The following MYO5B variants were observed in gnomAD, a reference collection of about 807,000 sequenced individuals.
The protein encoded by MYO5B is myosin VB, also known as unconventional myosin-Vb.
A neutral mutation model predicts 229.3 loss-of-function variants in MYO5B; 143 were observed. That is an observed-to-expected ratio of 0.62 (90% CI 0.54 to 0.72). The LOEUF (loss-of-function observed/expected upper bound fraction) is 0.72. Ranked by LOEUF, MYO5B falls within the 30% of genes least tolerant of loss-of-function variation. The pLI is 0.00. For missense variants in MYO5B, 2,321 were observed against 2,331.0 expected, an observed-to-expected ratio of 1.00 and a Z score of 0.09; for synonymous variants, 918 against 885.2, an observed-to-expected ratio of 1.04 and a Z score of -0.66.
At chr18:50,192,931 T>C (rs935577138) in intron 1 of MYO5B, among the ~76,000 whole-genome samples, 1 of 152,190 alleles carries the variant, frequency 6.6e-6, no homozygotes, top group Non-Finnish European at 1.5e-5. Flanking sequence ...CCCCACAAAC[T>C]TTCCCCCTCA....
intron 26 of MYO5B, among the ~76,000 whole-genome samples, chr18:49,874,246 T>G (rs925114544): frequency 3.9e-5 from 6 of 152,254 alleles, no homozygotes; most frequent in African/African-American, 1.4e-4. Flanking sequence ...GATACCCTTT[T>G]TTATTTGGTA....
chr18:50,160,349 C>T (rs951169093), intron 1 of MYO5B, among the ~76,000 whole-genome samples: 24 of 152,164 alleles, frequency 1.6e-4, no homozygotes, highest in African/African-American at 5.8e-4. Flanking sequence ...TTGAAAGGAG[C>T]CTTACAGATG....
At chr18:49,841,657 A>C (rs527823701) in intron 34 of MYO5B, among the ~76,000 whole-genome samples, 1 of 152,284 alleles carries the variant, frequency 6.6e-6, no homozygotes, top group Admixed American at 6.5e-5. Context: ...GGGATGGTGC[A>C]CAGAACCCCC....
chr18:50,182,166 C>T lies in MYO5B; in HGVS notation c.27+12601G>A, dbSNP rs534389034. Among the ~76,000 whole-genome samples, 3 of 152,288 alleles carry T rather than the reference C, an allele frequency of 2.0e-5. No homozygotes were observed. The South Asian group carries it at 6.2e-4, about 32-fold the overall frequency. The stretch of plus-strand genomic sequence containing the variant: ...GATGAATACGAAAGATGGTCTGAAC[C>T]TTCAGGCAAAAACTATGAGTACTGT... On this transcript the variant is annotated intron_variant, in intron 1 of 39. Transcript: ENST00000285039.
chr18:49,899,984 G>C (rs540792041), intron 21 of MYO5B, among the ~76,000 whole-genome samples: 1 of 152,064 alleles, frequency 6.6e-6, no homozygotes, highest in Non-Finnish European at 1.5e-5. Context: ...CAAGCACGTG[G>C]ATTGTAAAAT....
intron 14 of MYO5B, among the ~76,000 whole-genome samples, chr18:49,952,939 C>T (rs944794280): frequency 1.4e-4 from 21 of 151,924 alleles, no homozygotes; most frequent in African/African-American, 3.6e-4. Context: ...CTGCGCTCAC[C>T]GTCCTCTCTT....
chr18:50,137,173 A>G lies in MYO5B; in HGVS notation c.27+57594T>C, dbSNP rs192624497. On this transcript the variant is annotated intron_variant, in intron 1 of 39. Transcript: ENST00000285039. ...ACGAGGGCAGTTTATTTCACATACA[A>G]TCAAAAGGCTCTGCAGACCTGCATA... 1.1e-3 allele frequency among the ~76,000 whole-genome samples: 163 copies of G among 152,338 alleles called. 1 individual carries two copies. The highest frequency in any genetic ancestry group is 3.8e-3 in the African/African-American group (157 of 41,560).
Position 50,040,282 on chromosome 18 carries a change from G to A in MYO5B, c.171C>T (p.Asn57=), listed in dbSNP as rs375237075. The change falls in exon 3 of 40, where the codon AAC becomes AAT. Residue 57 remains asparagine, a synonymous_variant. Coordinates refer to ENST00000285039, the MANE Select transcript of MYO5B (RefSeq NM_001080467.3). ...CTGGATTCCGTAAGAAGGGCAGCTG[G>A]TTGCGTTGTACATCAATTGGGTATT... ...ILEYPIDVQR[N]QLPFLRNPDI... 2.5e-6 allele frequency: 4 copies of A among 1,613,948 alleles called. No homozygotes were observed. The African/African-American group carries it at 5.3e-5, about 22-fold the overall frequency.
intron 7 of MYO5B, among the ~76,000 whole-genome samples, chr18:49,989,551 T>G (rs559992421): frequency 1.3e-5 from 2 of 151,860 alleles, no homozygotes; most frequent in African/African-American, 4.8e-5. Context: ...TTTACACATA[T>G]GTGCCTGAAG....
At chr18:49,829,284 C>A (rs1266789530) in intron 39 of MYO5B, among the ~76,000 whole-genome samples, 1 of 151,458 alleles carries the variant, frequency 6.6e-6, no homozygotes, top group Non-Finnish European at 1.5e-5. Flanking sequence ...ACATTACTGC[C>A]AATTTTACAG....
intron 21 of MYO5B, among the ~76,000 whole-genome samples, chr18:49,901,267 G>A (rs1199360560): frequency 6.6e-6 from 1 of 152,230 alleles, no homozygotes; most frequent in Non-Finnish European, 1.5e-5. Context: ...GTCTTCTGAA[G>A]GGAAGGAGGA....
chr18:49,993,071 C>T (rs1344010277), intron 5 of MYO5B, among the ~76,000 whole-genome samples: 1 of 152,108 alleles, frequency 6.6e-6, no homozygotes, highest in East Asian at 1.9e-4. Context: ...GTTCAAAACA[C>T]TAGACGATAA....
At chr18:50,066,345 A>C (rs1268606809) in intron 1 of MYO5B, among the ~76,000 whole-genome samples, 1 of 152,034 alleles carries the variant, frequency 6.6e-6, no homozygotes, top group Non-Finnish European at 1.5e-5. Flanking sequence ...TTCCTTTTTT[A>C]TTTGGTACTT....
At chr18:49,963,422 T>TAATG (rs1568049874) in intron 10 of MYO5B, among the ~76,000 whole-genome samples, 1 of 147,336 alleles carries the variant, frequency 6.8e-6, no homozygotes, top group Non-Finnish European at 1.5e-5. Context: ...ATTAATTTAT[T>TAATG]TATTTATTTA....
At chr18:49,830,476 T>G (rs2023902373) in intron 39 of MYO5B, among the ~76,000 whole-genome samples, 1 of 152,082 alleles carries the variant, frequency 6.6e-6, no homozygotes, top group Non-Finnish European at 1.5e-5. Flanking sequence ...CCAATGACGT[T>G]TTTTGCAGAA....
intron 1 of MYO5B, among the ~76,000 whole-genome samples, chr18:50,165,783 A>G (rs1380115798): frequency 7.1e-6 from 1 of 140,078 alleles, no homozygotes; most frequent in African/African-American, 2.5e-5. Flanking sequence ...GTCTGAAAGA[A>G]AAAAAGGAAG....
chr18:50,049,607 A>G (rs879565752), intron 2 of MYO5B, among the ~76,000 whole-genome samples: 4 of 152,176 alleles, frequency 2.6e-5, no homozygotes, highest in Non-Finnish European at 5.9e-5. Flanking sequence ...CTGGGGCTGG[A>G]TAGTTCTCTG....
intron 14 of MYO5B, among the ~76,000 whole-genome samples, chr18:49,940,584 A>G (rs1234351691): frequency 6.6e-6 from 1 of 152,218 alleles, no homozygotes; most frequent in African/African-American, 2.4e-5. Context: ...GTCACGTCCA[A>G]GGAGAAACTG....
chr18:50,042,214 G>C (rs766444241), intron 2 of MYO5B, among the ~76,000 whole-genome samples: 6 of 151,952 alleles, frequency 3.9e-5, no homozygotes, highest in African/African-American at 1.5e-4. Flanking sequence ...TCACAAATGA[G>C]CCAAGATATG....
Sources: gnomAD v4.1 joint callset for allele counts (sites outside exome capture counted in the v4.1 genomes callset) on GRCh38, gnomAD v4.1.1 for gene constraint, MANE v1.5 for transcripts, NCBI Gene and HGNC (gene_info 2026-07-23, HGNC 2026-07-21) for gene names.